SPSB4: variants seen among roughly 807,000 people sequenced by gnomAD.
SPSB4 encodes splA/ryanodine receptor domain and SOCS box containing 4, also known as SPRY domain-containing SOCS box protein 4.
A neutral mutation model predicts 20.9 loss-of-function variants in SPSB4; 21 were observed. That is an observed-to-expected ratio of 1.01 (90% CI 0.71 to 1.45). SPSB4 has a LOEUF of 1.45. Ranked by LOEUF, SPSB4 falls within the 40% of genes most tolerant of loss-of-function variation. The pLI is 0.00. For synonymous variants in SPSB4, 207 were observed against 183.8 expected, an observed-to-expected ratio of 1.13 and a Z score of -1.02; for missense variants, 399 against 399.2, an observed-to-expected ratio of 1.00 and a Z score of 0.00.
chr3:141,146,415 A>G (rs2107810083), intron 2 of SPSB4, among the ~76,000 whole-genome samples: 1 of 152,280 alleles, frequency 6.6e-6, no homozygotes, highest in Admixed American at 6.5e-5. Flanking sequence ...CCCTCTGCAG[A>G]TCCACCCAAG....
chr3:141,134,955 A>C (rs570501539), intron 2 of SPSB4, among the ~76,000 whole-genome samples: 1 of 151,966 alleles, frequency 6.6e-6, no homozygotes, highest in South Asian at 2.1e-4. Flanking sequence ...CAAAAGATAT[A>C]TAAGCATACT....
At chr3:141,065,499 G>A (rs1179616030) in intron 1 of SPSB4, among the ~76,000 whole-genome samples, 1 of 152,202 alleles carries the variant, frequency 6.6e-6, no homozygotes, top group Non-Finnish European at 1.5e-5. Context: ...AAGCACCTGG[G>A]TTCTCATCCA....
intron 2 of SPSB4, among the ~76,000 whole-genome samples, chr3:141,131,780 C>G (rs886540023): frequency 1.3e-5 from 2 of 152,138 alleles, no homozygotes; most frequent in Non-Finnish European, 2.9e-5. Flanking sequence ...ACAAGTAATG[C>G]TCCTATGAGC....
chr3:141,107,073 CA>C (rs1938706297), intron 2 of SPSB4, among the ~76,000 whole-genome samples: 1 of 152,204 alleles, frequency 6.6e-6, no homozygotes, highest in Non-Finnish European at 1.5e-5. Context: ...ACCAGTCAGT[CA>C]CAGTGGCCAC....
chr3:141,061,322 A>G (rs983307078), intron 1 of SPSB4, among the ~76,000 whole-genome samples: 1 of 152,148 alleles, frequency 6.6e-6, no homozygotes, highest in African/African-American at 2.4e-5. Context: ...CCAAAAGCTG[A>G]CAATGTTTAT....
intron 2 of SPSB4, among the ~76,000 whole-genome samples, chr3:141,138,906 C>G (rs184388614): frequency 6.6e-6 from 1 of 152,062 alleles, no homozygotes; most frequent in Admixed American, 6.6e-5. Flanking sequence ...CTTTCTGTCT[C>G]GTTGATCTGT....
At chr3:141,081,867 C>T (rs1456425754) in intron 2 of SPSB4, among the ~76,000 whole-genome samples, 1 of 152,198 alleles carries the variant, frequency 6.6e-6, no homozygotes, top group East Asian at 1.9e-4. Flanking sequence ...GGGGCTACTT[C>T]ATATGGCACT....
chr3:141,053,735 ATT>A (rs141574829), intron 1 of SPSB4, among the ~76,000 whole-genome samples: 23 of 151,756 alleles, frequency 1.5e-4, no homozygotes, highest in African/African-American at 5.3e-4. Context: ...AAATTACAAG[ATT>A]TTTTTTTAAT....
chr3:141,065,880 G>A, intron 1 of SPSB4, 72 bp from the exon 2 acceptor site: 1 of 505,806 alleles, frequency 2.0e-6, no homozygotes, highest in Non-Finnish European at 3.4e-6. Context: ...CCAAGGCATG[G>A]ACATAAATGA....
intron 2 of SPSB4, among the ~76,000 whole-genome samples, chr3:141,093,005 G>A (rs556166179): frequency 5.8e-4 from 88 of 152,224 alleles, no homozygotes; most frequent in African/African-American, 2.0e-3. Flanking sequence ...TCACACCATG[G>A]TTGCTGGCCT....
Position 141,066,779 on chromosome 3 carries a change from CTACATCAA to C in SPSB4, c.676_683del (p.Tyr226ArgfsTer3), listed in dbSNP as rs1937894849. On this transcript the variant is annotated frameshift_variant, in exon 2 of 3. Transcript: ENST00000310546. LOFTEE classifies it high-confidence loss of function. Reference sequence around the variant, plus strand: ...GGGGCCACTGTGAAGTCACCATGCGCTACATCAACGGCCTTGACCGTAAGTTGTGCTGG... The same window carrying C: ...GGGGCCACTGTGAAGTCACCATGCGCCGGCCTTGACCGTAAGTTGTGCTGG... 1.3e-6 allele frequency: 2 copies of C among 1,559,768 alleles called. No individual in the cohort carries two copies.
intron 1 of SPSB4, among the ~76,000 whole-genome samples, chr3:141,058,863 T>G (rs1937708583): frequency 6.6e-6 from 1 of 152,190 alleles, no homozygotes; most frequent in Non-Finnish European, 1.5e-5. Flanking sequence ...CTGGGCTTCA[T>G]GTCCCCATAT....
chr3:141,056,268 C>G, intron 1 of SPSB4, among the ~76,000 whole-genome samples: 1 of 152,290 alleles, frequency 6.6e-6, no homozygotes, highest in South Asian at 2.1e-4. Context: ...GGCCTTGGCC[C>G]GGTTTACTGG....
intron 2 of SPSB4, among the ~76,000 whole-genome samples, chr3:141,120,307 G>A (rs1938947187): frequency 6.6e-6 from 1 of 152,070 alleles, no homozygotes; most frequent in Admixed American, 6.6e-5. Context: ...CTGTTCTTTT[G>A]CATTTGCTGA....
chr3:141,140,789 G>A (rs1197218267), intron 2 of SPSB4, among the ~76,000 whole-genome samples: 3 of 152,034 alleles, frequency 2.0e-5, no homozygotes, highest in Non-Finnish European at 2.9e-5. Context: ...GGACCCACTT[G>A]AGGAGGCAGT....
chr3:141,086,842 G>A (rs2107789357), intron 2 of SPSB4, among the ~76,000 whole-genome samples: 1 of 152,322 alleles, frequency 6.6e-6, no homozygotes, highest in African/African-American at 2.4e-5. Flanking sequence ...GAGGCAGGTG[G>A]TGTTAACATT....
intron 1 of SPSB4, among the ~76,000 whole-genome samples, chr3:141,058,476 G>A (rs1369940028): frequency 1.3e-5 from 2 of 152,202 alleles, no homozygotes; most frequent in African/African-American, 2.4e-5. Flanking sequence ...ATCCTTTGGC[G>A]TTCTTCAGGA....
At chr3:141,142,173 A>AT (rs1288111225) in intron 2 of SPSB4, among the ~76,000 whole-genome samples, 1 of 152,220 alleles carries the variant, frequency 6.6e-6, no homozygotes, top group Non-Finnish European at 1.5e-5. Flanking sequence ...TGATGTAAGC[A>AT]TTTAATGCTA....
chr3:141,103,491 T>C (rs961091496), intron 2 of SPSB4, among the ~76,000 whole-genome samples: 4 of 152,166 alleles, frequency 2.6e-5, no homozygotes, highest in African/African-American at 7.2e-5. Flanking sequence ...AAAGACTCAG[T>C]TGGTGCCTGG....
Sources: allele counts gnomAD v4.1 joint callset (sites outside exome capture counted in the v4.1 genomes callset), GRCh38; gene constraint gnomAD v4.1.1; transcripts MANE v1.5; gene names NCBI Gene and HGNC (gene_info 2026-07-23, HGNC 2026-07-21).